The following ST3GAL4 variants were observed in gnomAD, a reference collection of about 807,000 sequenced individuals.
ST3GAL4 encodes ST3 beta-galactoside alpha-2,3-sialyltransferase 4.
A neutral mutation model predicts 42.6 loss-of-function variants in ST3GAL4; 24 were observed. The ratio of observed to expected loss-of-function variants is 0.56; its 90% CI spans 0.41 to 0.79. The LOEUF is 0.79. ST3GAL4 is among the 30% of genes least tolerant of loss of function. ST3GAL4 has a pLI of 0.00. For synonymous variants in ST3GAL4, 135 were observed against 163.2 expected (o/e 0.83, Z 1.32); for missense variants, 311 against 430.8 (o/e 0.72, Z 2.46).
chr11:126,414,067 C>G lies in ST3GAL4; in HGVS notation c.*20C>G, dbSNP rs748315428. On this transcript the variant is annotated 3_prime_UTR_variant, in exon 11 of 11. Transcript: ENST00000444328. ...TTCTGACCTGGGCAAGAGCTGTAGCCTGTCGGTTGCCTACTCTGCTGTCTG... is the reference window on the plus strand; with the variant it reads ...TTCTGACCTGGGCAAGAGCTGTAGCGTGTCGGTTGCCTACTCTGCTGTCTG... 6.2e-7 allele frequency: 1 copy of G among 1,613,460 alleles called. No individual in the cohort carries two copies.
In ST3GAL4 at chr11:126,406,069, C is replaced by T. The variant is rs959809690; in HGVS notation, c.-60-27C>T. 20 of 1,551,104 alleles carry T rather than the reference C, an allele frequency of 1.3e-5. No individual in the cohort carries two copies. The highest frequency in any genetic ancestry group is 7.8e-5 in the Admixed American group (4 of 50,980). On this transcript the variant is annotated intron_variant, in intron 1 of 10. Coordinates refer to ENST00000444328, the MANE Select transcript of ST3GAL4 (RefSeq NM_001254757.2). This position sits in a 1 kb window ranked among gnomAD's most constrained non-coding sequence, Gnocchi z 5.4. The stretch of plus-strand genomic sequence containing the variant: ...AGGCAGGAGAGTTTGTGAAGCTGAC[C>T]GGACACCTGTGGCTCTTATTTCCTA...
In ST3GAL4 at chr11:126,383,505, G is replaced by C. The variant is rs1320786821; in HGVS notation, c.-60-22591G>C. On this transcript the variant is annotated intron_variant, in intron 1 of 10. Coordinates refer to ENST00000444328, the MANE Select transcript of ST3GAL4 (RefSeq NM_001254757.2). The surrounding 1 kb of genome is among the most constrained non-coding windows in gnomAD (Gnocchi z 4.5). ...GAAAAGAGTGCCCTGGCTTGGGGGG[G>C]CCCTCAAGCCCCGGAAGCTGTATGT... is the stretch of plus-strand genomic sequence containing the variant. Among the ~76,000 whole-genome samples the C allele has an allele frequency of 6.6e-6, 1 of 152,138 alleles. No individual in the cohort carries two copies. The highest frequency in any genetic ancestry group is 1.5e-5 in the Non-Finnish European group (1 of 68,014).
At position 126,355,893 on chromosome 11, in the gene ST3GAL4, G is replaced by GGAGCC. The variant is rs1484196527; in HGVS notation, c.-61+53_-61+57dup. On this transcript the variant is annotated intron_variant, in intron 1 of 10. Transcript: ENST00000444328. This position sits in a 1 kb window ranked among gnomAD's most constrained non-coding sequence, Gnocchi z 7.1. ...GGGCCCGCGGGGCGGGGCGGGGCGG[G>GGAGCC]GAGCCGCGGGGTCCTCGGCCGCCTG... 1 of 149,126 alleles carries GGAGCC rather than the reference G, an allele frequency of 6.7e-6. No homozygotes were observed. The highest frequency in any genetic ancestry group is 1.5e-5 in the Non-Finnish European group (1 of 66,814). The allele number at this position is 149,126 out of a possible 1,614,324, so 9.2% of individuals were successfully genotyped here.
In ST3GAL4 at chr11:126,374,454, CAAAAAAAAAAAA is replaced by C. The variant is rs869295718; in HGVS notation, c.-61+18625_-61+18636del. On this transcript the variant is annotated intron_variant, in intron 1 of 10. Transcript: ENST00000444328. ...GAATGACAAAGCAAGACTTTGTCTC[CAAAAAAAAAAAA>C]AAAAAAAAAAAATAGAGAAAAGGAA... Among the ~76,000 whole-genome samples the C allele has an allele frequency of 7.7e-3, 485 of 63,236 alleles. 4 individuals are homozygous for C. The highest frequency in any genetic ancestry group is 0.027 in the African/African-American group (463 of 17,048). The allele number at this position is 63,236 out of a possible 152,430, so 41.5% of individuals were successfully genotyped here.
chr11:126,359,954 A>G lies in ST3GAL4; in HGVS notation c.-61+4112A>G, dbSNP rs1295698742. 6.6e-6 allele frequency among the ~76,000 whole-genome samples: 1 copy of G among 152,242 alleles called. No individual in the cohort carries two copies. Among genetic ancestry groups the G allele is most frequent in the African/African-American group, 2.4e-5 (1 of 41,468 alleles). ...GGGTCTAAGCACAGGGAACCCAGCC[A>G]AAGTGGCTGCTCCTGGCGTCTGGCA... On this transcript the variant is annotated intron_variant, in intron 1 of 10. Coordinates refer to ENST00000444328, the MANE Select transcript of ST3GAL4 (RefSeq NM_001254757.2). The surrounding 1 kb of genome is among the most constrained non-coding windows in gnomAD (Gnocchi z 4.8).
chr11:126,409,876 GGA>G lies in ST3GAL4; in HGVS notation c.771+467_771+468del, dbSNP rs1565428247. Among the ~76,000 whole-genome samples the G allele has an allele frequency of 6.6e-6, 1 of 152,126 alleles. No individual in the cohort carries two copies. Among genetic ancestry groups the G allele is most frequent in the African/African-American group, 2.4e-5 (1 of 41,410 alleles). On this transcript the variant is annotated intron_variant, in intron 9 of 10. Transcript: ENST00000444328. This position sits in a 1 kb window ranked among gnomAD's most constrained non-coding sequence, Gnocchi z 4.9. ...GATTTGGTATGGTGTGTCAATTCAG[GGA>G]GTCAATGTAGTTTTGCAAGTTATGG...
At chr11:126,413,716 G>A in intron 10 of ST3GAL4, 68 bp downstream of exon 10, 3 of 1,595,284 alleles carry the variant, frequency 1.9e-6, no homozygotes, top group Non-Finnish European at 1.7e-6. Context: ...GGGGCACTGG[G>A]TGAGTGGGAG....
chr11:126,406,943 T>C lies in ST3GAL4; in HGVS notation c.102T>C (p.Leu34=), dbSNP rs1839503414. The change falls in exon 4 of 11, where the codon CTT becomes CTC. Residue 34 remains leucine, a splice_region_variant and synonymous_variant. Coordinates refer to ENST00000444328, the MANE Select transcript of ST3GAL4 (RefSeq NM_001254757.2). The surrounding 1 kb of genome is among the most constrained non-coding windows in gnomAD (Gnocchi z 5.4). ...GCCTCCTGTCCTTTTTTCTCTCCAG[T>C]TTTTATTTTCCCATCCCAGAGAAGA... ...SISREDRYIE[L]FYFPIPEKKE... 6.2e-7 allele frequency: 1 copy of C among 1,613,770 alleles called. No individual in the cohort carries two copies. Among genetic ancestry groups the C allele is most frequent in the Non-Finnish European group, 8.5e-7 (1 of 1,179,932 alleles).
Position 126,359,104 on chromosome 11 carries a change from T to A in ST3GAL4, c.-61+3262T>A, listed in dbSNP as rs138941493. ...GTTTAGGGGAGGCAGCCCCAAAGAG[T>A]GCTGGGACCAGTTTGGAGAGTGCTA... On this transcript the variant is annotated intron_variant, in intron 1 of 10. Transcript: ENST00000444328. This position sits in a 1 kb window ranked among gnomAD's most constrained non-coding sequence, Gnocchi z 4.8. Among the ~76,000 whole-genome samples the A allele has an allele frequency of 5.3e-4, 80 of 152,144 alleles. No individual in the cohort carries two copies. The highest frequency in any genetic ancestry group is 3.4e-3 in the Middle Eastern group (1 of 294).
Position 126,406,428 on chromosome 11 carries a change from C to T in ST3GAL4, c.17-45C>T. ...GGTGGGAAGGTGGACGGGGGTTGTA[C>T]CTGCCTGTTGCTGCCTCTAGCTCCT... On this transcript the variant is annotated intron_variant, in intron 2 of 10. Coordinates refer to ENST00000444328, the MANE Select transcript of ST3GAL4 (RefSeq NM_001254757.2). The surrounding 1 kb of genome is among the most constrained non-coding windows in gnomAD (Gnocchi z 5.4). 3 of 1,613,786 alleles carry T rather than the reference C, an allele frequency of 1.9e-6. No homozygotes were observed. The highest frequency in any genetic ancestry group is 1.7e-5 in the Admixed American group (1 of 60,008).
In ST3GAL4 at chr11:126,392,720, G is replaced by C. The variant is rs1464985864; in HGVS notation, c.-60-13376G>C. ...TAAGAAGTCCCTGCTTGCTGGGAGT[G>C]CGTGGTCTAATTGGTACTTGGGACA... On this transcript the variant is annotated intron_variant, in intron 1 of 10. Transcript: ENST00000444328. This position sits in a 1 kb window ranked among gnomAD's most constrained non-coding sequence, Gnocchi z 5.8. Among the ~76,000 whole-genome samples the C allele has an allele frequency of 6.6e-6, 1 of 152,188 alleles. No individual in the cohort carries two copies. Among genetic ancestry groups the C allele is most frequent in the East Asian group, 1.9e-4 (1 of 5,196 alleles).
rs956730430 is a variant in ST3GAL4, at chr11:126,379,543, T to C, written c.-61+23701T>C. 1.3e-5 allele frequency among the ~76,000 whole-genome samples: 2 copies of C among 152,196 alleles called. No individual in the cohort carries two copies. Among genetic ancestry groups the C allele is most frequent in the Admixed American group, 6.5e-5 (1 of 15,280 alleles). On this transcript the variant is annotated intron_variant, in intron 1 of 10. Transcript: ENST00000444328. The surrounding 1 kb of genome is among the most constrained non-coding windows in gnomAD (Gnocchi z 4.2). ...CCCAGGCTGCAGTGCAGTGGCACGATCTTGGCTCACTGCAACCTCCACCTC... is the reference window on the plus strand; with the variant it reads ...CCCAGGCTGCAGTGCAGTGGCACGACCTTGGCTCACTGCAACCTCCACCTC...
rs1417677987 is a variant in ST3GAL4, at chr11:126,396,583, C to T, written c.-60-9513C>T. Among the ~76,000 whole-genome samples the T allele has an allele frequency of 6.6e-6, 1 of 151,822 alleles. No homozygotes were observed. The highest frequency in any genetic ancestry group is 1.5e-5 in the Non-Finnish European group (1 of 68,004). On this transcript the variant is annotated intron_variant, in intron 1 of 10. Transcript: ENST00000444328. This position sits in a 1 kb window ranked among gnomAD's most constrained non-coding sequence, Gnocchi z 5.8. ...CTGAGAAGGGGCTCGACAGGCTCTT[C>T]GTCACTGTGCGGAGCCTTCGAAGGA... is the stretch of plus-strand genomic sequence containing the variant.
Position 126,414,343 on chromosome 11 carries a change from A to G in ST3GAL4, c.*296A>G, listed in dbSNP as rs1018054570. ...AAGAGATTATTTAATGGGCTATTTA[A>G]TTAAGGGGTAGGAAGGTGCTGTGGG... On this transcript the variant is annotated 3_prime_UTR_variant, in exon 11 of 11. Transcript: ENST00000444328. The G allele has an allele frequency of 1.4e-4, 60 of 441,512 alleles. No homozygotes were observed. The highest frequency in any genetic ancestry group is 3.5e-5 in the Admixed American group (1 of 28,746). The allele number at this position is 441,512 out of a possible 1,614,324, so 27.3% of individuals were successfully genotyped here.
intron 1 of ST3GAL4, among the ~76,000 whole-genome samples, chr11:126,369,264 G>A (rs574647711): frequency 6.6e-6 from 1 of 151,802 alleles, no homozygotes; most frequent in Non-Finnish European, 1.5e-5. Flanking sequence ...TTTGGGGGGG[G>A]GAGGCAGAGT....
At chr11:126,388,767 C>CT (rs10683946) in intron 1 of ST3GAL4, among the ~76,000 whole-genome samples, 27,747 of 51,996 alleles carry the variant, frequency 0.53, 9,937 homozygotes, top group South Asian at 0.58. Flanking sequence ...TTTTCAGTGT[C>CT]TTTTTTTTTT....
intron 1 of ST3GAL4, among the ~76,000 whole-genome samples, chr11:126,356,898 G>T (rs1487827936): frequency 6.6e-6 from 1 of 152,214 alleles, no homozygotes; most frequent in Non-Finnish European, 1.5e-5. Flanking sequence ...AGCTGTGCCG[G>T]ACCCGTCCTA....
intron 1 of ST3GAL4, among the ~76,000 whole-genome samples, chr11:126,390,722 T>C (rs542090197): frequency 1.1e-4 from 16 of 152,018 alleles, no homozygotes; most frequent in African/African-American, 3.6e-4. Flanking sequence ...TCTGTGTGTA[T>C]AGTGCAGTGG....
Position 126,363,876 on chromosome 11 carries a change from C to T in ST3GAL4, c.-61+8034C>T, listed in dbSNP as rs370259888. 6.6e-6 allele frequency among the ~76,000 whole-genome samples: 1 copy of T among 152,362 alleles called. No individual in the cohort carries two copies. On this transcript the variant is annotated intron_variant, in intron 1 of 10. Transcript: ENST00000444328. The surrounding 1 kb of genome is among the most constrained non-coding windows in gnomAD (Gnocchi z 4.6). Reference sequence around the variant, plus strand: ...GGGTCTGGATACACTCCCCACCCTCCCAGGCCCGGCACCGTGTCGCCCTGC... The same window carrying T: ...GGGTCTGGATACACTCCCCACCCTCTCAGGCCCGGCACCGTGTCGCCCTGC...
Sources: gnomAD v4.1 joint callset for allele counts (sites outside exome capture counted in the v4.1 genomes callset) on GRCh38, gnomAD v4.1.1 for gene constraint, Gnocchi (gnomAD v3.1) non-coding constraint, MANE v1.5 for transcripts, NCBI Gene and HGNC (gene_info 2026-07-23, HGNC 2026-07-21) for gene names.